Variants in MDFIC observed in about 807,000 individuals in gnomAD.
MDFIC encodes MyoD family inhibitor domain containing.
MDFIC carries 17 observed loss-of-function variants against 23.2 expected under a neutral mutation model. That is an observed-to-expected ratio of 0.73 (90% CI 0.50 to 1.10). The LOEUF (loss-of-function observed/expected upper bound fraction) is 1.10, where lower values mean the gene tolerates loss of function less well. Among genes scored for constraint, MDFIC ranks in the 50% least tolerant of loss-of-function variants. MDFIC has a pLI of 0.00. For synonymous variants in MDFIC, 120 were observed against 115.2 expected (o/e 1.04, Z -0.27); for missense variants, 356 against 316.6 (o/e 1.12, Z -0.95).
intron 3 of MDFIC, among the ~76,000 whole-genome samples, chr7:114,961,262 A>G (rs1563143003): frequency 6.6e-6 from 1 of 152,154 alleles, no homozygotes; most frequent in Non-Finnish European, 1.5e-5. Context: ...TGAACCAGAG[A>G]TTACGAATTA....
chr7:114,997,570 C>G (rs1306282162), intron 4 of MDFIC, among the ~76,000 whole-genome samples: 1 of 79,550 alleles, frequency 1.3e-5, no homozygotes, highest in Non-Finnish European at 2.7e-5. Flanking sequence ...GACCTCATCT[C>G]TACAGGAAAA....
chr7:114,983,974 G>A (rs911713605), intron 4 of MDFIC, among the ~76,000 whole-genome samples: 5 of 151,968 alleles, frequency 3.3e-5, no homozygotes, highest in African/African-American at 1.2e-4. Context: ...TTATAAATGA[G>A]GAAACCGAGA....
intron 4 of MDFIC, among the ~76,000 whole-genome samples, chr7:115,001,248 A>T (rs1199748990): frequency 2.0e-5 from 3 of 152,226 alleles, no homozygotes; most frequent in Non-Finnish European, 4.4e-5. Context: ...GGGAAATGTG[A>T]CTATAATTGA....
chr7:114,925,194 T>C (rs1396879263), intron 2 of MDFIC, among the ~76,000 whole-genome samples: 1 of 151,980 alleles, frequency 6.6e-6, no homozygotes, highest in African/African-American at 2.4e-5. Flanking sequence ...CAAAGTTAAA[T>C]ATATATATAT....
chr7:114,977,238 T>TG (rs1793334506), intron 3 of MDFIC, among the ~76,000 whole-genome samples: 1 of 152,138 alleles, frequency 6.6e-6, no homozygotes, highest in African/African-American at 2.4e-5. Context: ...AGATAACTTT[T>TG]GGGGGGCATC....
chr7:114,976,862 T>C (rs73214714), intron 3 of MDFIC, among the ~76,000 whole-genome samples: 3,900 of 152,236 alleles, frequency 0.026, 70 homozygotes, highest in Non-Finnish European at 0.038. Context: ...CTGTCTTTTT[T>C]TTTTCTGAAA....
At chr7:114,943,578 T>G (rs1288534714) in intron 3 of MDFIC, among the ~76,000 whole-genome samples, 1 of 152,148 alleles carries the variant, frequency 6.6e-6, no homozygotes, top group Non-Finnish European at 1.5e-5. Context: ...GGAGGAAGAT[T>G]TATATAGCTT....
chr7:115,002,783 T>C (rs1401633522), intron 4 of MDFIC, among the ~76,000 whole-genome samples: 3 of 152,202 alleles, frequency 2.0e-5, no homozygotes, highest in Non-Finnish European at 2.9e-5. Context: ...CATCTTTTCA[T>C]ACACTCACTC....
At chr7:114,942,419 T>G (rs1402381899) in intron 3 of MDFIC, 22 bp downstream of exon 3, 2 of 1,551,316 alleles carry the variant, frequency 1.3e-6, no homozygotes, top group African/African-American at 2.8e-5. Flanking sequence ...TAGAAAAAAC[T>G]TTGAGTGATT....
At chr7:114,925,793 G>A (rs1792179310) in intron 2 of MDFIC, among the ~76,000 whole-genome samples, 1 of 152,134 alleles carries the variant, frequency 6.6e-6, no homozygotes, top group Non-Finnish European at 1.5e-5. Flanking sequence ...TTAAGAGTTT[G>A]CAACTAATTA....
intron 2 of MDFIC, among the ~76,000 whole-genome samples, chr7:114,928,073 C>T (rs1792229596): frequency 6.6e-6 from 1 of 152,104 alleles, no homozygotes; most frequent in Admixed American, 6.5e-5. Context: ...AGAACTTATA[C>T]TTCTAACTTT....
intron 4 of MDFIC, among the ~76,000 whole-genome samples, chr7:114,989,681 G>A (rs1191986524): frequency 1.3e-5 from 2 of 152,158 alleles, no homozygotes; most frequent in African/African-American, 4.8e-5. Flanking sequence ...TGTTAACCTC[G>A]ATGGCTCTGC....
chr7:114,957,558 A>G (rs1003881166), intron 3 of MDFIC, among the ~76,000 whole-genome samples: 10 of 152,186 alleles, frequency 6.6e-5, no homozygotes, highest in Admixed American at 6.5e-4. Flanking sequence ...ATATGGTATC[A>G]GTGGTATCTA....
chr7:114,974,607 G>T (rs764566046), intron 3 of MDFIC, among the ~76,000 whole-genome samples: 4 of 152,158 alleles, frequency 2.6e-5, no homozygotes, highest in Middle Eastern at 3.4e-3. Context: ...AAGATGATTT[G>T]CACATGCTAA....
intron 4 of MDFIC, among the ~76,000 whole-genome samples, chr7:114,993,455 T>G: frequency 6.6e-6 from 1 of 152,338 alleles, no homozygotes; most frequent in Non-Finnish European, 1.5e-5. Context: ...GGGTGTCAAT[T>G]TAAATCTTTC....
At chr7:114,982,432 A>G (rs2115976344) in intron 4 of MDFIC, among the ~76,000 whole-genome samples, 1 of 152,242 alleles carries the variant, frequency 6.6e-6, no homozygotes, top group East Asian at 1.9e-4. Context: ...GCTCATATCT[A>G]TAATCCCAGC....
At chr7:114,977,126 T>C (rs1793331551) in intron 3 of MDFIC, among the ~76,000 whole-genome samples, 1 of 152,156 alleles carries the variant, frequency 6.6e-6, no homozygotes, top group Non-Finnish European at 1.5e-5. Context: ...TGAATGTTTT[T>C]TGTTGTTGCT....
At chr7:115,014,350 A>G (rs1463328076) in intron 4 of MDFIC, 49 of 1,270,386 alleles carry the variant, frequency 3.9e-5, no homozygotes, top group Non-Finnish European at 4.1e-6. Flanking sequence ...GATTCTGTCA[A>G]TTCACATCTA....
intron 3 of MDFIC, among the ~76,000 whole-genome samples, chr7:114,977,435 T>G (rs1471266696): frequency 1.3e-5 from 2 of 152,030 alleles, no homozygotes; most frequent in Non-Finnish European, 2.9e-5. Context: ...ACACCATAAG[T>G]TGTCCCTCAC....
Sources: allele counts gnomAD v4.1 joint callset (sites outside exome capture counted in the v4.1 genomes callset), GRCh38; gene constraint gnomAD v4.1.1; transcripts MANE v1.5; gene names NCBI Gene and HGNC (gene_info 2026-07-23, HGNC 2026-07-21).